ARHGEF11: variants seen among roughly 807,000 people sequenced by gnomAD.
The protein encoded by ARHGEF11 is Rho guanine exchange factor (GEF) 11.
A neutral mutation model predicts 193.7 loss-of-function variants in ARHGEF11; 55 were observed. The observed-to-expected ratio is 0.28, with a 90% CI of 0.23 to 0.36. The LOEUF (loss-of-function observed/expected upper bound fraction) is 0.36, where lower values mean the gene tolerates loss of function less well. Among genes scored for constraint, ARHGEF11 ranks in the 10% least tolerant of loss-of-function variants. ARHGEF11 has a pLI of 1.00. For missense variants in ARHGEF11, 1,723 were observed against 2,005.6 expected, an observed-to-expected ratio of 0.86 and a Z score of 2.69; for synonymous variants, 693 against 768.0, an observed-to-expected ratio of 0.90 and a Z score of 1.62.
intron 22 of ARHGEF11, among the ~76,000 whole-genome samples, chr1:156,950,302 A>C (rs1176268994): frequency 6.6e-6 from 1 of 152,210 alleles, no homozygotes; most frequent in East Asian, 1.9e-4. Flanking sequence ...CCTGCATTCA[A>C]GCAGGAAAGG....
chr1:157,004,596 G>A (rs1241190971), intron 1 of ARHGEF11, among the ~76,000 whole-genome samples: 2 of 152,158 alleles, frequency 1.3e-5, no homozygotes, highest in South Asian at 2.1e-4. Flanking sequence ...GAGATGCAAT[G>A]GGAATTTCCA....
In ARHGEF11 at chr1:157,043,582, A is replaced by T. The variant is rs1366155985; in HGVS notation, c.32+717T>A. On this transcript the variant is annotated intron_variant, in intron 1 of 40. Coordinates refer to ENST00000368194, the MANE Select transcript of ARHGEF11 (RefSeq NM_198236.3). Reference sequence around the variant, plus strand: ...GCCCAAAACAATTTCTTCTGGCTCCAGGCAGAGGGAAGGCCCATTTTGCAG... The same window carrying T: ...GCCCAAAACAATTTCTTCTGGCTCCTGGCAGAGGGAAGGCCCATTTTGCAG... Among the ~76,000 whole-genome samples the T allele has an allele frequency of 2.0e-5, 3 of 152,358 alleles. No individual in the cohort carries two copies. In the East Asian group the frequency reaches 5.8e-4, roughly 29 times the overall value.
chr1:156,960,484 G>C (rs1170554242), intron 14 of ARHGEF11, 24 bp from the exon 15 acceptor site: 1 of 1,613,726 alleles, frequency 6.2e-7, no homozygotes, highest in Non-Finnish European at 8.5e-7. Flanking sequence ...GTGTGGAGCA[G>C]AAGCAGTCAG....
intron 3 of ARHGEF11, 121 bp downstream of exon 3, chr1:156,984,218 G>T: frequency 1.3e-6 from 1 of 748,770 alleles, no homozygotes; most frequent in Non-Finnish European, 2.1e-6. Context: ...CACCCATGGA[G>T]AACCAGTTCT....
intron 4 of ARHGEF11, among the ~76,000 whole-genome samples, chr1:156,980,046 T>C (rs912622265): frequency 9.2e-5 from 14 of 152,200 alleles, no homozygotes; most frequent in African/African-American, 1.7e-4. Flanking sequence ...GGGCAGGTTA[T>C]AGTAGTTCAG....
At chr1:157,023,110 C>A (rs562099706) in intron 1 of ARHGEF11, among the ~76,000 whole-genome samples, 1 of 152,020 alleles carries the variant, frequency 6.6e-6, no homozygotes, top group Non-Finnish European at 1.5e-5. Flanking sequence ...AGACATGACA[C>A]CAAAAGCATA....
intron 1 of ARHGEF11, among the ~76,000 whole-genome samples, chr1:157,026,261 A>G (rs1226222790): frequency 6.6e-6 from 1 of 152,208 alleles, no homozygotes; most frequent in Non-Finnish European, 1.5e-5. Context: ...TACCTTCTGT[A>G]GCTACCTTCC....
At chr1:156,991,132 A>G (rs973362552) in intron 1 of ARHGEF11, among the ~76,000 whole-genome samples, 14 of 152,256 alleles carry the variant, frequency 9.2e-5, no homozygotes, top group African/African-American at 3.4e-4. Flanking sequence ...ATACCAATAT[A>G]TTTACTCACT....
chr1:156,953,924 G>A (rs1233709419), intron 21 of ARHGEF11, among the ~76,000 whole-genome samples: 1 of 152,114 alleles, frequency 6.6e-6, no homozygotes, highest in African/African-American at 2.4e-5. Flanking sequence ...TACAGTGCTG[G>A]CAGTCAAACG....
At position 157,041,204 on chromosome 1, in the gene ARHGEF11, T is replaced by G. The variant is rs1299657781; in HGVS notation, c.32+3095A>C. ...ATGGCTTAGCAAAACTCATGACCAC[T>G]CCTGTAAAAATAATTTAGTATCATT... On this transcript the variant is annotated intron_variant, in intron 1 of 40. Transcript: ENST00000368194. Among the ~76,000 whole-genome samples the G allele has an allele frequency of 2.6e-5, 4 of 152,120 alleles. No homozygotes were observed. The East Asian group carries it at 7.7e-4, about 29-fold the overall frequency.
At chr1:157,007,913 G>GTTTTTTTTTTTT (rs10580966) in intron 1 of ARHGEF11, among the ~76,000 whole-genome samples, 2 of 118,826 alleles carry the variant, frequency 1.7e-5, no homozygotes, top group African/African-American at 3.1e-5. Flanking sequence ...TTTTTTTTTT[G>GTTTTTTTTTTTT]TTTTTTTTTT....
At chr1:156,976,122 A>C (rs967110753) in intron 7 of ARHGEF11, among the ~76,000 whole-genome samples, 4 of 152,224 alleles carry the variant, frequency 2.6e-5, no homozygotes, top group East Asian at 1.9e-4. Flanking sequence ...CTACTGCTCC[A>C]ACACACACAC....
intron 21 of ARHGEF11, among the ~76,000 whole-genome samples, chr1:156,953,522 A>C (rs1432514441): frequency 6.6e-6 from 1 of 152,212 alleles, no homozygotes; most frequent in African/African-American, 2.4e-5. Context: ...AAACTTTTTT[A>C]CATTAATTCC....
chr1:157,017,568 G>A (rs908851954), intron 1 of ARHGEF11, among the ~76,000 whole-genome samples: 90 of 151,954 alleles, frequency 5.9e-4, no homozygotes, highest in African/African-American at 2.1e-3. Flanking sequence ...TTAGCCGGAC[G>A]TGGTGGCACG....
In ARHGEF11 at chr1:157,002,300, C is replaced by T. The variant is rs536770712; in HGVS notation, c.33-16127G>A. 7.9e-5 allele frequency among the ~76,000 whole-genome samples: 12 copies of T among 152,272 alleles called. No homozygotes were observed. The South Asian group carries it at 2.3e-3, about 29-fold the overall frequency. On this transcript the variant is annotated intron_variant, in intron 1 of 40. Coordinates refer to ENST00000368194, the MANE Select transcript of ARHGEF11 (RefSeq NM_198236.3). ...GGATTGGCCAGGAGAGAAACAACAG[C>T]GACTGAGCAATCAGTTTGGATCTCA...
At position 156,937,239 on chromosome 1, in the gene ARHGEF11, C is replaced by T. The variant is rs4570419; in HGVS notation, c.4440+10G>A. The T allele has an allele frequency of 0.17, 278,080 of 1,609,718 alleles. 25,277 individuals carry two copies. Among genetic ancestry groups the T allele is most frequent in the East Asian group, 0.34 (15,337 of 44,844 alleles). On this transcript the variant is annotated intron_variant, in intron 39 of 40. Coordinates refer to ENST00000368194, the MANE Select transcript of ARHGEF11 (RefSeq NM_198236.3). ...AAGGCCTGCAGGGACCCAAGCCCTGCTTCCCTCACCTTGAGCCTGTTGAGC... is the reference window on the plus strand; with the variant it reads ...AAGGCCTGCAGGGACCCAAGCCCTGTTTCCCTCACCTTGAGCCTGTTGAGC...
At chr1:157,040,828 T>C (rs1672647246) in intron 1 of ARHGEF11, among the ~76,000 whole-genome samples, 1 of 152,216 alleles carries the variant, frequency 6.6e-6, no homozygotes, top group South Asian at 2.1e-4. Context: ...AAATACATTA[T>C]CTCGTTTGAT....
intron 37 of ARHGEF11, chr1:156,938,740 G>A: frequency 2.0e-6 from 1 of 496,988 alleles, no homozygotes; most frequent in South Asian, 3.2e-5. Context: ...CAGAAACCCA[G>A]GAGACAGGTG....
intron 1 of ARHGEF11, 133 bp from the exon 2 acceptor site, chr1:156,986,306 A>G: frequency 1.6e-6 from 1 of 631,738 alleles, no homozygotes; most frequent in Non-Finnish European, 2.7e-6. Context: ...CTGTAACCCA[A>G]TCTGGTAGGA....
Sources: allele counts gnomAD v4.1 joint callset (sites outside exome capture counted in the v4.1 genomes callset), GRCh38; gene constraint gnomAD v4.1.1; transcripts MANE v1.5; gene names NCBI Gene and HGNC (gene_info 2026-07-23, HGNC 2026-07-21).